The following SNX30 variants were observed in gnomAD, a reference collection of about 807,000 sequenced individuals.
The protein encoded by SNX30 is sorting nexin-30.
In SNX30, 24 loss-of-function variants were observed where a neutral mutation model predicts 46.4. That is an observed-to-expected ratio of 0.52 (90% confidence interval 0.37 to 0.73). The LOEUF (loss-of-function observed/expected upper bound fraction) is 0.73. SNX30 is among the 30% of genes least tolerant of loss of function. SNX30 has a pLI of 0.00. For synonymous variants in SNX30, 189 were observed against 211.5 expected (o/e 0.89, Z 0.92); for missense variants, 533 against 555.7 (o/e 0.96, Z 0.41).
At chr9:112,828,417 CT>C (rs1840610050) in intron 3 of SNX30, among the ~76,000 whole-genome samples, 1 of 152,128 alleles carries the variant, frequency 6.6e-6, no homozygotes. Context: ...TGTAGGTGCA[CT>C]CTGTGATGTT....
At chr9:112,859,305 C>A (rs903343674) in intron 7 of SNX30, among the ~76,000 whole-genome samples, 1 of 152,302 alleles carries the variant, frequency 6.6e-6, no homozygotes, top group Non-Finnish European at 1.5e-5. Flanking sequence ...GACATACACA[C>A]ACATACATAC....
intron 1 of SNX30, among the ~76,000 whole-genome samples, chr9:112,777,418 A>G (rs1009973640): frequency 6.6e-6 from 1 of 150,542 alleles, no homozygotes; most frequent in Non-Finnish European, 1.5e-5. Context: ...CTTTTTAAAG[A>G]TATTTATTTA....
At position 112,872,944 on chromosome 9, in the gene SNX30, A is replaced by G. The variant is rs1193143390; in HGVS notation, c.*4101A>G. 6.6e-6 allele frequency: 1 copy of G among 152,158 alleles called. No individual in the cohort carries two copies. Among genetic ancestry groups the G allele is most frequent in the East Asian group, 1.9e-4 (1 of 5,182 alleles). The allele number at this position is 152,158 out of a possible 1,614,324, so 9.4% of individuals were successfully genotyped here. On this transcript the variant is annotated 3_prime_UTR_variant, in exon 9 of 9. Coordinates refer to ENST00000374232, the MANE Select transcript of SNX30 (RefSeq NM_001012994.2). ...CTCTTCGGCCTTGTTCTGCCTTGTG[A>G]TCTTTTCAATTCAGTGAATAAACCA...
At chr9:112,875,174 GT>G (rs1185947005), downstream of SNX30, 2 of 152,134 alleles carry the variant, frequency 1.3e-5, no homozygotes, top group Non-Finnish European at 2.9e-5. Flanking sequence ...TATAGGCCCA[GT>G]TTACCCTCAA....
Position 112,783,640 on chromosome 9 carries a change from G to C in SNX30, c.157-21136G>C, listed in dbSNP as rs1485054661. Among the ~76,000 whole-genome samples, 4 of 152,176 alleles carry C rather than the reference G, an allele frequency of 2.6e-5. No homozygotes were observed. In the East Asian group the frequency reaches 5.8e-4, roughly 22 times the overall value. On this transcript the variant is annotated intron_variant, in intron 1 of 8. Transcript: ENST00000374232. ...ATCAGCTGTCCACCTTTTGCTGTCT[G>C]CCAAGGGTGGGTCCATATGTCCTAA... is the stretch of plus-strand genomic sequence containing the variant.
At chr9:112,840,784 T>C (rs11791125) in intron 6 of SNX30, among the ~76,000 whole-genome samples, 26,846 of 129,886 alleles carry the variant, frequency 0.21, 3,335 homozygotes, top group African/African-American at 0.39. Context: ...TGGCTGATAT[T>C]TCTTTTTTTT....
chr9:112,764,207 A>T (rs1839493455), intron 1 of SNX30, among the ~76,000 whole-genome samples: 1 of 152,250 alleles, frequency 6.6e-6, no homozygotes, highest in Non-Finnish European at 1.5e-5. Context: ...ACTCAGGCGG[A>T]AGAACCAGCA....
intron 1 of SNX30, among the ~76,000 whole-genome samples, chr9:112,787,101 CT>C (rs1564268878): frequency 6.6e-6 from 1 of 152,172 alleles, no homozygotes; most frequent in African/African-American, 2.4e-5. Flanking sequence ...GCCATCTGTA[CT>C]TTTGGGTTGT....
At chr9:112,843,615 T>G (rs1369921920) in intron 6 of SNX30, among the ~76,000 whole-genome samples, 2 of 139,870 alleles carry the variant, frequency 1.4e-5, no homozygotes, top group African/African-American at 2.6e-5. Context: ...AGGAGCCTGG[T>G]CCTGCAGTAG....
intron 6 of SNX30, among the ~76,000 whole-genome samples, chr9:112,845,192 GA>G (rs1840921141): frequency 6.6e-6 from 1 of 152,104 alleles, no homozygotes; most frequent in Non-Finnish European, 1.5e-5. Flanking sequence ...AAACGATTTT[GA>G]AAAAAGTCAC....
At chr9:112,765,878 A>G (rs538298634) in intron 1 of SNX30, among the ~76,000 whole-genome samples, 1 of 152,204 alleles carries the variant, frequency 6.6e-6, no homozygotes, top group East Asian at 1.9e-4. Context: ...ATCTCAGCTC[A>G]CTGCAACCTC....
intron 6 of SNX30, among the ~76,000 whole-genome samples, chr9:112,839,381 C>T (rs1409487774): frequency 1.3e-5 from 2 of 152,118 alleles, no homozygotes; most frequent in African/African-American, 2.4e-5. Flanking sequence ...AATTTGAAAG[C>T]TTTTTAAAGC....
At chr9:112,807,052 C>CTTTTTTTTTTTT (rs10554051) in intron 2 of SNX30, among the ~76,000 whole-genome samples, 1 of 63,006 alleles carries the variant, frequency 1.6e-5, no homozygotes, top group African/African-American at 7.0e-5. Context: ...TCTTTTCTAT[C>CTTTTTTTTTTTT]TTTTTTTTTT....
intron 1 of SNX30, among the ~76,000 whole-genome samples, chr9:112,751,461 C>G (rs530526127): frequency 6.6e-6 from 1 of 152,168 alleles, no homozygotes; most frequent in East Asian, 1.9e-4. Context: ...GCGCCTGTGT[C>G]CTCGGATGGG....
rs1415527587 is a variant in SNX30, at chr9:112,873,702, A to G, written c.*4859A>G. 1 of 152,062 alleles carries G rather than the reference A, an allele frequency of 6.6e-6. No individual in the cohort carries two copies. Among genetic ancestry groups the G allele is most frequent in the Non-Finnish European group, 1.5e-5 (1 of 68,024 alleles). 9.4% of individuals were successfully genotyped at this position (152,062 alleles called of 1,614,324 possible). A position where few individuals can be genotyped will look rare whatever the true frequency, so the allele number is the denominator to read the frequency against. Reference sequence around the variant, plus strand: ...GCATACTTTTGATTTTAGAGGATATAGTATCGGCATTGACAAATCACGTAG... The same window carrying G: ...GCATACTTTTGATTTTAGAGGATATGGTATCGGCATTGACAAATCACGTAG... On this transcript the variant is annotated 3_prime_UTR_variant, in exon 9 of 9. Transcript: ENST00000374232.
intron 1 of SNX30, among the ~76,000 whole-genome samples, chr9:112,783,923 G>A (rs190201419): frequency 1.9e-4 from 29 of 152,342 alleles, no homozygotes; most frequent in African/African-American, 6.3e-4. Context: ...ACCTTGGCTT[G>A]AGCCTTTGCT....
intron 3 of SNX30, among the ~76,000 whole-genome samples, chr9:112,821,596 C>G (rs1840497071): frequency 6.6e-6 from 1 of 151,606 alleles, no homozygotes; most frequent in Non-Finnish European, 1.5e-5. Flanking sequence ...ACGTCATTCT[C>G]CTGCCTCAGC....
In SNX30 at chr9:112,852,367, C is replaced by G. The variant is rs1841042693; in HGVS notation, c.1101+1422C>G. Among the ~76,000 whole-genome samples the G allele has an allele frequency of 2.6e-5, 4 of 152,070 alleles. No homozygotes were observed. The South Asian group carries it at 8.3e-4, about 32-fold the overall frequency. Reference sequence around the variant, plus strand: ...TGTTGTATTAGGTATTATAAGTAATCTAGAGATGATTTAAAGTATACAGGA... The same window carrying G: ...TGTTGTATTAGGTATTATAAGTAATGTAGAGATGATTTAAAGTATACAGGA... On this transcript the variant is annotated intron_variant, in intron 7 of 8. Transcript: ENST00000374232.
chr9:112,813,153 A>G (rs750784910), intron 2 of SNX30, among the ~76,000 whole-genome samples: 48 of 152,052 alleles, frequency 3.2e-4, no homozygotes, highest in Non-Finnish European at 5.0e-4. Context: ...CATCTCAAAA[A>G]AAACCCCCCA....
Sources: gnomAD v4.1 joint callset for allele counts (sites outside exome capture counted in the v4.1 genomes callset) on GRCh38, gnomAD v4.1.1 for gene constraint, MANE v1.5 for transcripts, NCBI Gene and HGNC (gene_info 2026-07-23, HGNC 2026-07-21) for gene names.